GPHN: variants seen among roughly 807,000 people sequenced by gnomAD.
GPHN encodes the protein gephyrin.
GPHN carries 17 observed loss-of-function variants against 95.5 expected under a neutral mutation model. That is an observed-to-expected ratio of 0.18 (90% CI 0.12 to 0.27). The LOEUF (loss-of-function observed/expected upper bound fraction) is 0.27. GPHN is among the 10% of genes least tolerant of loss of function. The pLI is 1.00. For synonymous variants in GPHN, 320 were observed against 322.5 expected (o/e 0.99, Z 0.08); for missense variants, 660 against 978.1 (o/e 0.67, Z 4.34).
At chr14:67,103,511 CTTTTTTTTTTT>C in intron 13 of GPHN, among the ~76,000 whole-genome samples, 2 of 53,396 alleles carry the variant, frequency 3.7e-5, no homozygotes, top group South Asian at 7.3e-4. Flanking sequence ...GTTTCTTTCT[CTTTTTTTTTTT>C]TTTTTTTTTT....
chr14:66,616,967 A>G (rs561456061), intron 1 of GPHN, among the ~76,000 whole-genome samples: 1 of 152,116 alleles, frequency 6.6e-6, no homozygotes, highest in African/African-American at 2.4e-5. Context: ...CGGCCTCCCA[A>G]AGTGCTGGGA....
chr14:66,745,503 A>T (rs1350602784), intron 2 of GPHN, among the ~76,000 whole-genome samples: 14 of 152,094 alleles, frequency 9.2e-5, no homozygotes. Flanking sequence ...TATTATTTAT[A>T]GATTTTTTGA....
intron 4 of GPHN, among the ~76,000 whole-genome samples, chr14:66,878,870 ATAT>A (rs1474350622): frequency 6.6e-6 from 1 of 152,068 alleles, no homozygotes; most frequent in African/African-American, 2.4e-5. Context: ...TATACCCAAA[ATAT>A]TATATATCGT....
intron 12 of GPHN, among the ~76,000 whole-genome samples, chr14:67,099,360 A>G (rs904979558): frequency 9.9e-5 from 15 of 152,054 alleles, no homozygotes; most frequent in African/African-American, 2.9e-4. Flanking sequence ...GACCTCAGGT[A>G]TCTGCCCGCC....
the GPHN span, among the ~76,000 whole-genome samples, chr14:67,704,474 G>A: frequency 5.3e-5 from 8 of 151,828 alleles, no homozygotes; most frequent in African/African-American, 1.9e-4. Flanking sequence ...AGGCATTTTC[G>A]GAACAGCTCC....
At chr14:66,865,395 T>C (rs1364245087) in intron 4 of GPHN, among the ~76,000 whole-genome samples, 2 of 152,028 alleles carry the variant, frequency 1.3e-5, no homozygotes, top group Admixed American at 1.3e-4. Flanking sequence ...CCAGGAAAAT[T>C]AAAAATTTTT....
At chr14:67,516,150 C>G in the GPHN span, among the ~76,000 whole-genome samples, 52 of 152,272 alleles carry the variant, frequency 3.4e-4, no homozygotes, top group African/African-American at 1.2e-3. Context: ...GGTCCTGGGT[C>G]CTGCAGAAAG....
intron 9 of GPHN, among the ~76,000 whole-genome samples, chr14:67,008,052 G>C (rs545179141): frequency 6.6e-6 from 1 of 152,290 alleles, no homozygotes; most frequent in Non-Finnish European, 1.5e-5. Context: ...TACTGTGTAT[G>C]TGCTAGAGGG....
intron 5 of GPHN, among the ~76,000 whole-genome samples, chr14:66,889,900 A>G (rs2064386392): frequency 6.6e-6 from 1 of 152,152 alleles, no homozygotes; most frequent in African/African-American, 2.4e-5. Context: ...AAGAAACTCA[A>G]ATTACTAAAA....
At chr14:67,311,744 TTC>T in the GPHN span, among the ~76,000 whole-genome samples, 2 of 152,228 alleles carry the variant, frequency 1.3e-5, no homozygotes, top group African/African-American at 4.8e-5. Context: ...CTTTGATTTA[TTC>T]TGATTTCCAA....
the GPHN span, among the ~76,000 whole-genome samples, chr14:67,424,409 A>G: frequency 6.6e-5 from 10 of 151,408 alleles, no homozygotes; most frequent in South Asian, 2.1e-4. Context: ...CTTAAACTCA[A>G]GAGTTCAAGA....
chr14:67,127,358 T>TTGTTTA (rs944370553), intron 17 of GPHN, among the ~76,000 whole-genome samples: 3 of 152,110 alleles, frequency 2.0e-5, no homozygotes, highest in African/African-American at 7.2e-5. Flanking sequence ...GTTTTTGTTT[T>TTGTTTA]TGTTTTGCCG....
chr14:67,281,748 T>C, the GPHN span, among the ~76,000 whole-genome samples: 1 of 152,064 alleles, frequency 6.6e-6, no homozygotes, highest in Non-Finnish European at 1.5e-5. Flanking sequence ...AAGAGAACAG[T>C]TGTGAGTTTA....
chr14:67,385,231 G>A, the GPHN span: 5 of 152,134 alleles, frequency 3.3e-5, no homozygotes, highest in Non-Finnish European at 4.4e-5. Context: ...TACATATGAG[G>A]ACAAGGTATA....
chr14:67,564,059 G>A, the GPHN span, among the ~76,000 whole-genome samples: 4 of 151,892 alleles, frequency 2.6e-5, no homozygotes, highest in African/African-American at 7.3e-5. Context: ...CTGCCACCAC[G>A]CCCGGCCAAT....
intron 5 of GPHN, among the ~76,000 whole-genome samples, chr14:66,883,640 C>T (rs572830444): frequency 1.3e-5 from 2 of 151,966 alleles, no homozygotes; most frequent in East Asian, 3.9e-4. Flanking sequence ...TGTTAAAATC[C>T]TTTGGGGAAT....
chr14:67,606,617 A>G, the GPHN span, among the ~76,000 whole-genome samples: 6 of 140,330 alleles, frequency 4.3e-5, no homozygotes, highest in South Asian at 1.2e-3. Flanking sequence ...GAAAGGTAAA[A>G]AAGCCCTGGT....
chr14:67,515,699 G>A, the GPHN span, among the ~76,000 whole-genome samples: 4 of 152,222 alleles, frequency 2.6e-5, no homozygotes. Flanking sequence ...CTGCATTTGA[G>A]TGTCTGTCAG....
At chr14:67,616,542 A>T in the GPHN span, 5,473 of 146,552 alleles carry the variant, frequency 0.037, 263 homozygotes, top group African/African-American at 0.12. Context: ...ACATACAATT[A>T]TTATTATTAT....
Sources: allele counts gnomAD v4.1 joint callset (sites outside exome capture counted in the v4.1 genomes callset), GRCh38; gene constraint gnomAD v4.1.1; transcripts MANE v1.5; gene names NCBI Gene and HGNC (gene_info 2026-07-23, HGNC 2026-07-21).